KLHL1: variants seen among roughly 807,000 people sequenced by gnomAD.
KLHL1 encodes the protein kelch like family member 1.
A neutral mutation model predicts 77.7 loss-of-function variants in KLHL1; 47 were observed. The ratio of observed to expected loss-of-function variants is 0.60; its 90% CI spans 0.48 to 0.77. KLHL1 has a LOEUF of 0.77. KLHL1 is among the 30% of genes least tolerant of loss of function. KLHL1 has a pLI of 0.00. For missense variants in KLHL1, 925 were observed against 910.8 expected (o/e 1.02, Z -0.20); for synonymous variants, 360 against 325.2 (o/e 1.11, Z -1.15).
intron 5 of KLHL1, among the ~76,000 whole-genome samples, chr13:69,840,137 A>T (rs1239616521): frequency 6.6e-6 from 1 of 152,128 alleles, no homozygotes; most frequent in Non-Finnish European, 1.5e-5. Flanking sequence ...TAACACTATA[A>T]TTATGACTTT....
intron 1 of KLHL1, among the ~76,000 whole-genome samples, chr13:70,022,428 T>C (rs1885828242): frequency 6.6e-6 from 1 of 151,864 alleles, no homozygotes; most frequent in Non-Finnish European, 1.5e-5. Flanking sequence ...AAAAATATTA[T>C]ATACAAAACA....
intron 3 of KLHL1, among the ~76,000 whole-genome samples, chr13:69,947,162 T>C (rs1261510714): frequency 1.3e-5 from 2 of 151,806 alleles, no homozygotes; most frequent in African/African-American, 2.4e-5. Context: ...TTGATATCTC[T>C]ATTATACTCT....
At chr13:69,859,360 T>A (rs1880047526) in intron 5 of KLHL1, among the ~76,000 whole-genome samples, 1 of 151,684 alleles carries the variant, frequency 6.6e-6, no homozygotes, top group Non-Finnish European at 1.5e-5. Context: ...GTCTAGCTAA[T>A]GGGAATTATA....
chr13:70,065,249 T>G (rs2137410331), intron 1 of KLHL1, among the ~76,000 whole-genome samples: 1 of 152,338 alleles, frequency 6.6e-6, no homozygotes, highest in East Asian at 1.9e-4. Flanking sequence ...TTATGTAAGT[T>G]ACTAAAAATT....
intron 7 of KLHL1, among the ~76,000 whole-genome samples, chr13:69,782,516 C>A (rs1876279862): frequency 6.6e-6 from 1 of 152,204 alleles, no homozygotes; most frequent in Non-Finnish European, 1.5e-5. Flanking sequence ...GAGATTATAT[C>A]CTGCACCTGG....
At chr13:69,985,770 T>A (rs530606911) in intron 1 of KLHL1, among the ~76,000 whole-genome samples, 2 of 145,106 alleles carry the variant, frequency 1.4e-5, no homozygotes, top group Admixed American at 1.4e-4. Context: ...AACAAAAATG[T>A]GATCCATATA....
intron 5 of KLHL1, among the ~76,000 whole-genome samples, chr13:69,864,217 ATGACT>A (rs1194080657): frequency 1.2e-4 from 18 of 152,128 alleles, no homozygotes; most frequent in African/African-American, 4.1e-4. Context: ...AAAGAGTAAA[ATGACT>A]TCACTTCTAT....
At chr13:69,806,298 A>G (rs976697178) in intron 6 of KLHL1, among the ~76,000 whole-genome samples, 1 of 152,204 alleles carries the variant, frequency 6.6e-6, no homozygotes, top group Non-Finnish European at 1.5e-5. Context: ...GTCCACATAT[A>G]TTAACCAAGA....
chr13:69,764,051 T>C (rs2137969716), intron 7 of KLHL1, among the ~76,000 whole-genome samples: 1 of 152,292 alleles, frequency 6.6e-6, no homozygotes, highest in South Asian at 2.1e-4. Flanking sequence ...CATCTATGCC[T>C]GAAGTTTTGA....
At chr13:69,996,834 A>G (rs1179129712) in intron 1 of KLHL1, among the ~76,000 whole-genome samples, 1 of 151,574 alleles carries the variant, frequency 6.6e-6, no homozygotes, top group Non-Finnish European at 1.5e-5. Context: ...GGCCTATGAC[A>G]TTGGTGAAAG....
intron 1 of KLHL1, among the ~76,000 whole-genome samples, chr13:69,991,903 C>T (rs1255128269): frequency 6.6e-6 from 1 of 151,814 alleles, no homozygotes; most frequent in Non-Finnish European, 1.5e-5. Context: ...ATTATTTTAC[C>T]CACTTCTGCA....
At chr13:69,961,469 T>G (rs758166968) in intron 2 of KLHL1, 25 bp from the exon 3 acceptor site, 40 of 1,611,498 alleles carry the variant, frequency 2.5e-5, no homozygotes, top group Non-Finnish European at 3.4e-5. Flanking sequence ...GGTTCTAATT[T>G]AGGTCGTGAA....
At chr13:69,714,562 C>T (rs1876026734) in intron 9 of KLHL1, among the ~76,000 whole-genome samples, 1 of 151,624 alleles carries the variant, frequency 6.6e-6, no homozygotes, top group Non-Finnish European at 1.5e-5. Context: ...ACTATAAATC[C>T]AAATTATTTT....
chr13:69,985,454 CTGTT>C (rs1884836011), intron 1 of KLHL1, among the ~76,000 whole-genome samples: 1 of 151,652 alleles, frequency 6.6e-6, no homozygotes, highest in African/African-American at 2.4e-5. Context: ...CACCTTATAA[CTGTT>C]AGAATGGTTG....
intron 5 of KLHL1, among the ~76,000 whole-genome samples, chr13:69,843,269 A>G (rs904273078): frequency 6.6e-6 from 1 of 151,678 alleles, no homozygotes; most frequent in African/African-American, 2.4e-5. Flanking sequence ...AATAAGCAAA[A>G]GACAAAAAAA....
At chr13:69,985,789 TA>T (rs1479324927) in intron 1 of KLHL1, among the ~76,000 whole-genome samples, 4 of 147,154 alleles carry the variant, frequency 2.7e-5, no homozygotes, top group East Asian at 3.9e-4. Context: ...TATATATATA[TA>T]TATTTTATAT....
intron 10 of KLHL1, among the ~76,000 whole-genome samples, chr13:69,704,426 A>G (rs982995402): frequency 1.3e-5 from 2 of 151,646 alleles, no homozygotes; most frequent in Non-Finnish European, 3.0e-5. Flanking sequence ...TCAAAACTTA[A>G]CAATTCTGTT....
chr13:70,062,252 T>C (rs1357094371), intron 1 of KLHL1, among the ~76,000 whole-genome samples: 1 of 152,196 alleles, frequency 6.6e-6, no homozygotes, highest in African/African-American at 2.4e-5. Context: ...AATTTTGAGA[T>C]AAATATGAAC....
intron 1 of KLHL1, among the ~76,000 whole-genome samples, chr13:70,102,184 T>A (rs1887937698): frequency 6.6e-6 from 1 of 152,174 alleles, no homozygotes; most frequent in Non-Finnish European, 1.5e-5. Flanking sequence ...CATGTCCCAC[T>A]AATCTCCATG....
Sources: allele counts gnomAD v4.1 joint callset (sites outside exome capture counted in the v4.1 genomes callset), GRCh38; gene constraint gnomAD v4.1.1; transcripts MANE v1.5; gene names NCBI Gene and HGNC (gene_info 2026-07-23, HGNC 2026-07-21).